The following WDR49 variants were observed in gnomAD, a reference collection of about 807,000 sequenced individuals.
The protein encoded by WDR49 is WD repeat domain 49.
A neutral mutation model predicts 119.5 loss-of-function variants in WDR49; 107 were observed. That is an observed-to-expected ratio of 0.90 (90% CI 0.77 to 1.05). The LOEUF is 1.05. Among genes scored for constraint, WDR49 ranks in the 50% least tolerant of loss-of-function variants. The pLI, the probability that WDR49 is intolerant of heterozygous loss-of-function variation, is 0.00. For missense variants in WDR49, 1,240 were observed against 1,220.5 expected (o/e 1.02, Z -0.24); for synonymous variants, 425 against 418.8 (o/e 1.01, Z -0.18).
At chr3:167,521,964 A>AGAT (rs1444015282) in intron 16 of WDR49, among the ~76,000 whole-genome samples, 7 of 32,550 alleles carry the variant, frequency 2.2e-4, no homozygotes, top group African/African-American at 6.3e-4. Context: ...ACACATTCTA[A>AGAT]GATAGATAGA....
intron 18 of WDR49, among the ~76,000 whole-genome samples, chr3:167,495,982 A>G (rs1470782498): frequency 6.6e-6 from 1 of 151,562 alleles, no homozygotes; most frequent in African/African-American, 2.4e-5. Context: ...AAATAAATGC[A>G]TTTTTCAGAC....
At chr3:167,655,500 C>T (rs1441924058), upstream of WDR49, among the ~76,000 whole-genome samples, 1 of 152,150 alleles carries the variant, frequency 6.6e-6, no homozygotes, top group African/African-American at 2.4e-5. Flanking sequence ...GAGAGAAGAG[C>T]ATCCTGTAGG....
intron 18 of WDR49, among the ~76,000 whole-genome samples, chr3:167,483,087 T>C (rs1750783419): frequency 6.6e-6 from 1 of 152,164 alleles, no homozygotes; most frequent in Admixed American, 6.5e-5. Context: ...TAATAGTGTC[T>C]TAGAGAAATG....
At position 167,564,835 on chromosome 3, in the gene WDR49, G is replaced by C. The variant is rs145078128; in HGVS notation, c.1510-4607C>G. ...GAGGCTGTATTCATGTCACCTAATTGTCTTATTGCTATTCCAATAACAGTA... is the reference window on the plus strand; with the variant it reads ...GAGGCTGTATTCATGTCACCTAATTCTCTTATTGCTATTCCAATAACAGTA... On this transcript the variant is annotated intron_variant, in intron 8 of 18. Transcript: ENST00000682715. Among the ~76,000 whole-genome samples, 28 of 151,902 alleles carry C rather than the reference G, an allele frequency of 1.8e-4. No homozygotes were observed. The East Asian group carries it at 5.4e-3, about 29-fold the overall frequency.
At chr3:167,627,517 C>T (rs1263328854) in intron 2 of WDR49, among the ~76,000 whole-genome samples, 1 of 151,968 alleles carries the variant, frequency 6.6e-6, no homozygotes, top group African/African-American at 2.4e-5. Flanking sequence ...AAGTCAATCA[C>T]AAAAGTCCTT....
Position 167,576,242 on chromosome 3 carries a change from G to A in WDR49, c.1276-91C>T, listed in dbSNP as rs1335933876. ...TTTTCTAGCTCACCCTCAATACCAG[G>A]CAGACAGTTGTTTCCTCCACAGTGC... is the stretch of plus-strand genomic sequence containing the variant. On this transcript the variant is annotated intron_variant, in intron 7 of 18. Coordinates refer to ENST00000682715, the MANE Select transcript of WDR49 (RefSeq NM_001366157.1). The A allele has an allele frequency of 5.8e-6, 6 of 1,028,344 alleles. No homozygotes were observed. In the East Asian group the frequency reaches 1.6e-4, roughly 27 times the overall value. The allele number at this position is 1,028,344 out of a possible 1,614,324, so 63.7% of individuals were successfully genotyped here. A position where few individuals can be genotyped will look rare whatever the true frequency, so the allele number is the denominator to read the frequency against.
At chr3:167,590,475 G>C (rs1016684592) in intron 7 of WDR49, among the ~76,000 whole-genome samples, 43 of 152,110 alleles carry the variant, frequency 2.8e-4, no homozygotes, top group Admixed American at 9.8e-4. Flanking sequence ...GAGTAGGATT[G>C]GTACCAGTTC....
At chr3:167,488,144 A>T (rs1322099713) in intron 18 of WDR49, among the ~76,000 whole-genome samples, 1 of 98,764 alleles carries the variant, frequency 1.0e-5, no homozygotes, top group East Asian at 2.8e-4. Flanking sequence ...TGATACACTC[A>T]AACACACACA....
intron 11 of WDR49, among the ~76,000 whole-genome samples, chr3:167,533,801 A>T (rs188352314): frequency 1.1e-4 from 16 of 152,188 alleles, no homozygotes; most frequent in Non-Finnish European, 2.1e-4. Flanking sequence ...CTCAGTGAGG[A>T]CAGCTACCCA....
At chr3:167,656,406 G>C (rs1041530347), upstream of WDR49, among the ~76,000 whole-genome samples, 3 of 152,174 alleles carry the variant, frequency 2.0e-5, no homozygotes, top group African/African-American at 4.8e-5. Context: ...GCTTAGTTCA[G>C]TAGCAGACAC....
chr3:167,557,056 G>T (rs1365278340), intron 9 of WDR49, among the ~76,000 whole-genome samples: 1 of 151,926 alleles, frequency 6.6e-6, no homozygotes, highest in Non-Finnish European at 1.5e-5. Flanking sequence ...AATTAGCCGA[G>T]CATGGTGGTG....
intron 17 of WDR49, among the ~76,000 whole-genome samples, chr3:167,502,482 A>C (rs1367694173): frequency 2.0e-5 from 3 of 152,190 alleles, no homozygotes; most frequent in Non-Finnish European, 4.4e-5. Flanking sequence ...CAGGAAGATG[A>C]GGGGAATTTT....
upstream of WDR49, among the ~76,000 whole-genome samples, chr3:167,654,311 C>T (rs114121192): frequency 0.016 from 2,430 of 151,754 alleles, 26 homozygotes; most frequent in Non-Finnish European, 0.027. Flanking sequence ...TTCTTTTTGT[C>T]TTAGTTTCTA....
chr3:167,597,323 G>C lies in WDR49; in HGVS notation c.1275+4804C>G, dbSNP rs142102899. 1.9e-3 allele frequency among the ~76,000 whole-genome samples: 296 copies of C among 152,334 alleles called. 4 individuals carry two copies. In the East Asian group the frequency reaches 0.048, roughly 25 times the overall value. ...GCCTGTGGGTGCACAGAAGACAAGA[G>C]TTGAGTTTTAGGAGCCTCTGCCTAG... On this transcript the variant is annotated intron_variant, in intron 7 of 18. Coordinates refer to ENST00000682715, the MANE Select transcript of WDR49 (RefSeq NM_001366157.1).
intron 9 of WDR49, among the ~76,000 whole-genome samples, chr3:167,557,680 G>T (rs1713016704): frequency 6.7e-6 from 1 of 150,226 alleles, no homozygotes; most frequent in Non-Finnish European, 1.5e-5. Context: ...GTGAACCTGG[G>T]AGGCAGAGCT....
Position 167,478,805 on chromosome 3 carries a change from G to C in WDR49, c.*73C>G, listed in dbSNP as rs1208586604. 1 of 1,036,520 alleles carries C rather than the reference G, an allele frequency of 9.6e-7. No individual in the cohort carries two copies. The allele number at this position is 1,036,520 out of a possible 1,614,324, so 64.2% of individuals were successfully genotyped here. ...AGTTTAAATATAAAATAAAATAAAAGGCAGAATTCTTGATGCTTTTTCTGC... is the reference window on the plus strand; with the variant it reads ...AGTTTAAATATAAAATAAAATAAAACGCAGAATTCTTGATGCTTTTTCTGC... On this transcript the variant is annotated 3_prime_UTR_variant, in exon 19 of 19. Coordinates refer to ENST00000682715, the MANE Select transcript of WDR49 (RefSeq NM_001366157.1).
chr3:167,596,179 C>T (rs1470468751), intron 7 of WDR49, among the ~76,000 whole-genome samples: 7,529 of 151,844 alleles, frequency 0.05, 584 homozygotes, highest in African/African-American at 0.17. Context: ...GATACCATCT[C>T]ACACCAGTTA....
At chr3:167,540,377 A>G (rs1711739630) in intron 10 of WDR49, among the ~76,000 whole-genome samples, 1 of 151,882 alleles carries the variant, frequency 6.6e-6, no homozygotes. Flanking sequence ...CTTTGCAGAC[A>G]CTCCCCAGCA....
intron 5 of WDR49, among the ~76,000 whole-genome samples, chr3:167,606,870 C>G (rs554648235): frequency 6.6e-6 from 1 of 152,110 alleles, no homozygotes; most frequent in South Asian, 2.1e-4. Context: ...GAGAAAAGCA[C>G]AAAAAATTCA....
Sources: gnomAD v4.1 joint callset for allele counts (sites outside exome capture counted in the v4.1 genomes callset) on GRCh38, gnomAD v4.1.1 for gene constraint, MANE v1.5 for transcripts, NCBI Gene and HGNC (gene_info 2026-07-23, HGNC 2026-07-21) for gene names.